The following GABRB3 variants were observed in gnomAD, a reference collection of about 807,000 sequenced individuals.
The protein encoded by GABRB3 is gamma-aminobutyric acid type A receptor subunit beta3, also known as gamma-aminobutyric acid receptor subunit beta-3.
Under a neutral mutation model 52.1 loss-of-function variants are expected in GABRB3, and 14 were observed. The ratio of observed to expected loss-of-function variants is 0.27; its 90% CI spans 0.18 to 0.42. The LOEUF is 0.42. GABRB3 is among the 10% of genes least tolerant of loss of function. The pLI, the probability that GABRB3 is intolerant of heterozygous loss-of-function variation, is 1.00. For synonymous variants in GABRB3, 260 were observed against 232.3 expected, an observed-to-expected ratio of 1.12 and a Z score of -1.08; for missense variants, 307 against 609.1, an observed-to-expected ratio of 0.50 and a Z score of 5.22.
chr15:26,556,558 A>T (rs917990044), intron 8 of GABRB3, among the ~76,000 whole-genome samples: 1 of 152,212 alleles, frequency 6.6e-6, no homozygotes, highest in African/African-American at 2.4e-5. Flanking sequence ...ATTACAACCA[A>T]AGATGAACTC....
intron 7 of GABRB3, 129 bp downstream of exon 7, chr15:26,567,452 G>GTT (rs2140696112): frequency 1.2e-6 from 1 of 818,142 alleles, no homozygotes; most frequent in South Asian, 1.5e-5. Context: ...AAGATAAAAA[G>GTT]TGACTATACA....
At chr15:26,595,203 C>T (rs543853083) in intron 4 of GABRB3, among the ~76,000 whole-genome samples, 1 of 152,306 alleles carries the variant, frequency 6.6e-6, no homozygotes, top group South Asian at 2.1e-4. Flanking sequence ...ATGAGCACTG[C>T]CTGCCCCTTC....
At chr15:26,573,256 T>C (rs1252606947) in intron 6 of GABRB3, among the ~76,000 whole-genome samples, 1 of 152,220 alleles carries the variant, frequency 6.6e-6, no homozygotes, top group Non-Finnish European at 1.5e-5. Flanking sequence ...ATTTATTATC[T>C]ATCTTTTACT....
At chr15:26,727,979 A>C (rs1178516367) in intron 3 of GABRB3, among the ~76,000 whole-genome samples, 3 of 152,220 alleles carry the variant, frequency 2.0e-5, no homozygotes, top group African/African-American at 7.2e-5. Flanking sequence ...CTTACTAACT[A>C]GAATACAATA....
chr15:26,756,553 G>A (rs941468383), intron 3 of GABRB3, among the ~76,000 whole-genome samples: 1 of 152,094 alleles, frequency 6.6e-6, no homozygotes, highest in Admixed American at 6.5e-5. Flanking sequence ...ACTCCAGTCT[G>A]GGCGACAGAG....
chr15:26,730,360 G>A (rs1251844984), intron 3 of GABRB3, among the ~76,000 whole-genome samples: 1 of 144,222 alleles, frequency 6.9e-6, no homozygotes, highest in Non-Finnish European at 1.5e-5. Context: ...GGAGCTTGCA[G>A]TGAGCCGAGA....
intron 6 of GABRB3, among the ~76,000 whole-genome samples, chr15:26,575,475 A>G (rs1890562555): frequency 6.6e-6 from 1 of 152,230 alleles, no homozygotes; most frequent in Admixed American, 6.5e-5. Flanking sequence ...AATAAAAGAC[A>G]GATGGTAATT....
intron 3 of GABRB3, among the ~76,000 whole-genome samples, chr15:26,744,432 CTT>C (rs899818795): frequency 1.4e-5 from 2 of 143,302 alleles, no homozygotes; most frequent in African/African-American, 5.1e-5. Context: ...TAACAGAAAA[CTT>C]TTTTTTTTTG....
At chr15:26,623,886 T>C (rs144522341) in intron 3 of GABRB3, among the ~76,000 whole-genome samples, 1 of 152,244 alleles carries the variant, frequency 6.6e-6, no homozygotes, top group African/African-American at 2.4e-5. Context: ...CATGGCATGG[T>C]GTGGCTCCCT....
chr15:26,664,193 C>T (rs1419968441), intron 3 of GABRB3, among the ~76,000 whole-genome samples: 1 of 152,162 alleles, frequency 6.6e-6, no homozygotes, highest in African/African-American at 2.4e-5. Context: ...CAGGCATGTG[C>T]CACCATATCC....
At chr15:26,661,619 G>T (rs956620550) in intron 3 of GABRB3, among the ~76,000 whole-genome samples, 1 of 152,084 alleles carries the variant, frequency 6.6e-6, no homozygotes, top group African/African-American at 2.4e-5. Flanking sequence ...AGGCTTACAC[G>T]CACAAGAGCA....
At chr15:26,754,601 A>G (rs1236003803) in intron 3 of GABRB3, among the ~76,000 whole-genome samples, 1 of 152,210 alleles carries the variant, frequency 6.6e-6, no homozygotes, top group East Asian at 1.9e-4. Flanking sequence ...ATATTAAATG[A>G]TGTCTGACTT....
chr15:26,621,491 TTA>T lies in GABRB3; in HGVS notation c.282_283del (p.Asp94GlufsTer15). On this transcript the variant is annotated frameshift_variant, in exon 4 of 9. Coordinates refer to ENST00000311550, the MANE Select transcript of GABRB3 (RefSeq NM_000814.6). LOFTEE classifies it high-confidence loss of function. This position sits in a 1 kb window ranked among gnomAD's most constrained non-coding sequence, Gnocchi z 4.1. ...AGGGATCCCAGAATAGGCGAGCCTT[TTA>T]TCTCTCCAATATTGTTGAAAATACA... The T allele has an allele frequency of 6.2e-7, 1 of 1,614,116 alleles. No homozygotes were observed. Among genetic ancestry groups the T allele is most frequent in the Non-Finnish European group, 8.5e-7 (1 of 1,179,952 alleles).
chr15:26,633,676 G>A (rs557158955), intron 3 of GABRB3, among the ~76,000 whole-genome samples: 1 of 152,136 alleles, frequency 6.6e-6, no homozygotes, highest in Non-Finnish European at 1.5e-5. Flanking sequence ...CCAGGAATTC[G>A]TCTGATTGAT....
At chr15:26,747,889 T>G (rs1401045032) in intron 3 of GABRB3, among the ~76,000 whole-genome samples, 1 of 151,800 alleles carries the variant, frequency 6.6e-6, no homozygotes, top group East Asian at 1.9e-4. Context: ...TCTGTAAAAG[T>G]CTTGATAATT....
At chr15:26,642,505 C>T (rs980895884) in intron 3 of GABRB3, 12 of 1,288,718 alleles carry the variant, frequency 9.3e-6, no homozygotes, top group African/African-American at 9.1e-5. Flanking sequence ...TGGCTGAATC[C>T]TAGCTGTGCA....
intron 3 of GABRB3, among the ~76,000 whole-genome samples, chr15:26,771,096 G>A (rs370210288): frequency 1.2e-4 from 19 of 152,136 alleles, no homozygotes; most frequent in African/African-American, 3.9e-4. Context: ...ACAGCTTGGC[G>A]TGGTCAAAAG....
chr15:26,764,310 CATG>C (rs1890936123), intron 3 of GABRB3, among the ~76,000 whole-genome samples: 3 of 144,864 alleles, frequency 2.1e-5, no homozygotes, highest in Admixed American at 1.4e-4. Flanking sequence ...TGGGGTAAAA[CATG>C]ATGATGATGT....
At chr15:26,756,201 CA>C (rs1198888402) in intron 3 of GABRB3, among the ~76,000 whole-genome samples, 1 of 151,822 alleles carries the variant, frequency 6.6e-6, no homozygotes, top group African/African-American at 2.4e-5. Context: ...TAGAAGCAGT[CA>C]AAGAGTAATG....
Sources: allele counts gnomAD v4.1 joint callset (sites outside exome capture counted in the v4.1 genomes callset), GRCh38; gene constraint gnomAD v4.1.1; non-coding constraint Gnocchi (gnomAD v3.1); transcripts MANE v1.5; gene names NCBI Gene and HGNC (gene_info 2026-07-23, HGNC 2026-07-21).